Variants in FAM13B observed in about 807,000 individuals in gnomAD.
FAM13B encodes the protein family with sequence similarity 13 member B.
In FAM13B, 60 loss-of-function variants were observed where a neutral mutation model predicts 117.3. The observed-to-expected ratio is 0.51, with a 90% CI of 0.42 to 0.63. FAM13B has a LOEUF of 0.63. Among genes scored for constraint, FAM13B ranks in the 30% least tolerant of loss-of-function variants. The pLI is 0.00. For missense variants in FAM13B, 972 were observed against 1,091.9 expected (o/e 0.89, Z 1.55); for synonymous variants, 332 against 356.1 (o/e 0.93, Z 0.76).
intron 23 of FAM13B, 96 bp downstream of exon 23, chr5:137,941,848 C>T: frequency 1.9e-6 from 2 of 1,044,020 alleles, no homozygotes; most frequent in Non-Finnish European, 2.9e-6. Context: ...ATCCTATATG[C>T]ACAATTTCTA....
At chr5:138,021,337 C>T in intron 1 of FAM13B, 140 bp from the exon 2 acceptor site, 1 of 624,208 alleles carries the variant, frequency 1.6e-6, no homozygotes, top group South Asian at 8.6e-5. Context: ...CTATCTGTAA[C>T]CTAAAGGCAA....
In FAM13B at chr5:137,987,547, A is replaced by G. The variant is rs746503288; in HGVS notation, c.960T>C (p.His320=). The part of the protein sequence containing the change: ...HLFDLQSSID[H]DLKNLQQQSV... ...TTTGCTGTTGTAAATTCTTAAGATC[A>G]TGATCTATGCTGCTCTGAAGATCAA... is the stretch of plus-strand genomic sequence containing the variant. Residue 320 remains histidine, a synonymous_variant, in exon 9 of 24, where the codon CAT becomes CAC. Coordinates refer to ENST00000689681, the MANE Select transcript of FAM13B (RefSeq NM_001385994.1). 17 of 1,613,486 alleles carry G rather than the reference A, an allele frequency of 1.1e-5. No homozygotes were observed. In the Admixed American group the frequency reaches 2.3e-4, roughly 22 times the overall value.
At position 137,952,654 on chromosome 5, in the gene FAM13B, A is replaced by G. The variant is rs755525941; in HGVS notation, c.1904T>C (p.Leu635Pro). ...NPKVLKWMTELTKLRKQIKDA... is the reference protein window; with the variant it reads ...NPKVLKWMTEPTKLRKQIKDA... ...TTTAATTTGCTTCCGCAGTTTTGTA[A>G]GCTCTGTCATCCATTTTAATACCTT... The change falls in exon 17 of 24, where the codon CTT becomes CCT. Residue 635 changes from leucine (L) to proline (P), a missense_variant. Coordinates refer to ENST00000689681, the MANE Select transcript of FAM13B (RefSeq NM_001385994.1). 17 of 1,601,380 alleles carry G rather than the reference A, an allele frequency of 1.1e-5. No homozygotes were observed. The highest frequency in any genetic ancestry group is 1.4e-5 in the Non-Finnish European group (16 of 1,173,364).
upstream of FAM13B, chr5:138,051,966 T>C (rs1791812154): frequency 1.3e-5 from 2 of 151,832 alleles, no homozygotes; most frequent in African/African-American, 4.8e-5. Context: ...GAAAACAAGG[T>C]TGAAAACTGC....
chr5:138,051,595 A>G (rs182105898), intron 1 of FAM13B, among the ~76,000 whole-genome samples: 119 of 152,292 alleles, frequency 7.8e-4, no homozygotes, highest in African/African-American at 2.7e-3. Flanking sequence ...TTCTCTGTCC[A>G]TTTCCATTGC....
At chr5:138,012,776 C>A (rs998171362) in intron 4 of FAM13B, among the ~76,000 whole-genome samples, 1 of 152,050 alleles carries the variant, frequency 6.6e-6, no homozygotes, top group African/African-American at 2.4e-5. Context: ...TATTTTTCCG[C>A]AGGTTCTTAA....
chr5:138,018,422 C>T lies in FAM13B; in HGVS notation c.250G>A (p.Asp84Asn), dbSNP rs757334929. 9.9e-6 allele frequency: 16 copies of T among 1,614,032 alleles called. No homozygotes were observed. Among genetic ancestry groups the T allele is most frequent in the Non-Finnish European group, 1.3e-5 (15 of 1,180,030 alleles). The change falls in exon 4 of 24, where the codon GAT (aspartate) becomes AAT (asparagine). Residue 84 changes from aspartate (D) to asparagine (N), a missense_variant. Asp to Asn is a conservative substitution (Grantham distance 23, BLOSUM62 1). Coordinates refer to ENST00000689681, the MANE Select transcript of FAM13B (RefSeq NM_001385994.1). The part of the protein sequence containing the change: ...RQRYDSGEEV[D>N]LVKEADVPSA... ...GGAACATCTGCTTCCTTAACCAAATCCACCTCTTCTCCGCTGTCGTATCTC... is the reference window on the plus strand; with the variant it reads ...GGAACATCTGCTTCCTTAACCAAATTCACCTCTTCTCCGCTGTCGTATCTC...
chr5:137,979,982 A>T (rs1775183585), intron 10 of FAM13B, among the ~76,000 whole-genome samples: 1 of 141,022 alleles, frequency 7.1e-6, no homozygotes, highest in South Asian at 2.3e-4. Context: ...ATCAATAAGG[A>T]GAAATCCTGT....
chr5:137,974,551 T>A (rs1773328994), intron 10 of FAM13B, among the ~76,000 whole-genome samples: 1 of 148,362 alleles, frequency 6.7e-6, no homozygotes, highest in Non-Finnish European at 1.5e-5. Flanking sequence ...ATGGCACATG[T>A]ATACATATGT....
chr5:137,966,081 A>G (rs1226724490), intron 10 of FAM13B, among the ~76,000 whole-genome samples: 1 of 138,378 alleles, frequency 7.2e-6, no homozygotes, highest in Non-Finnish European at 1.6e-5. Flanking sequence ...AATATTTACT[A>G]CAGAATCTAG....
intron 15 of FAM13B, 47 bp downstream of exon 15, chr5:137,954,119 G>T: frequency 1.5e-6 from 2 of 1,351,450 alleles, no homozygotes. Context: ...AAAAGACTTG[G>T]GTACATAATA....
intron 13 of FAM13B, 150 bp downstream of exon 13, chr5:137,959,466 A>G (rs986688074): frequency 6.8e-5 from 53 of 777,550 alleles, no homozygotes; most frequent in South Asian, 1.0e-4. Flanking sequence ...TTCACTAAAA[A>G]CACCCACTTG....
At chr5:137,952,515 G>T in intron 17 of FAM13B, 113 bp downstream of exon 17, 5 of 695,178 alleles carry the variant, frequency 7.2e-6, no homozygotes, top group Non-Finnish European at 1.2e-5. Context: ...TTTTATTTTT[G>T]TCAAACAGTG....
intron 10 of FAM13B, among the ~76,000 whole-genome samples, chr5:137,970,969 G>A (rs1024220610): frequency 2.0e-5 from 3 of 151,838 alleles, no homozygotes; most frequent in Non-Finnish European, 2.9e-5. Context: ...AGCAAGTCCT[G>A]AGTGACCTAC....
intron 1 of FAM13B, among the ~76,000 whole-genome samples, chr5:138,051,278 T>C (rs1358583509): frequency 6.6e-6 from 1 of 152,234 alleles, no homozygotes; most frequent in Non-Finnish European, 1.5e-5. Flanking sequence ...AAAACAGTGC[T>C]ACAATATGTT....
Position 137,939,999 on chromosome 5 carries a change from A to C in FAM13B, c.*226T>G, listed in dbSNP as rs977840899. ...ATGAAGTAAACCATATGTTTGCTAA[A>C]GGTGGAGAGGACAGTCTGTGGTTAA... is the stretch of plus-strand genomic sequence containing the variant. On this transcript the variant is annotated 3_prime_UTR_variant, in exon 24 of 24. Transcript: ENST00000689681. 8.2e-6 allele frequency: 13 copies of C among 1,589,180 alleles called. No homozygotes were observed. Among genetic ancestry groups the C allele is most frequent in the African/African-American group, 1.4e-5 (1 of 73,908 alleles).
At chr5:137,962,277 A>G in intron 11 of FAM13B, 128 bp downstream of exon 11, 1 of 710,432 alleles carries the variant, frequency 1.4e-6, no homozygotes, top group South Asian at 2.0e-5. Context: ...CATTATAACA[A>G]GAAGGCTGTT....
chr5:137,979,163 C>T (rs969929261), intron 10 of FAM13B, among the ~76,000 whole-genome samples: 5 of 151,998 alleles, frequency 3.3e-5, no homozygotes, highest in African/African-American at 4.8e-5. Context: ...CAAGCATGTG[C>T]CATCATGCCC....
intron 1 of FAM13B, among the ~76,000 whole-genome samples, chr5:138,022,196 T>A (rs998094867): frequency 6.6e-6 from 1 of 151,764 alleles, no homozygotes; most frequent in African/African-American, 2.4e-5. Flanking sequence ...ATGCAGTAGA[T>A]AGAGAACCAG....
Sources: allele counts gnomAD v4.1 joint callset (sites outside exome capture counted in the v4.1 genomes callset), GRCh38; gene constraint gnomAD v4.1.1; transcripts MANE v1.5; gene names NCBI Gene and HGNC (gene_info 2026-07-23, HGNC 2026-07-21).